TENM1: variants seen among roughly 807,000 people sequenced by gnomAD.
TENM1 encodes teneurin-1.
A neutral mutation model predicts 174.8 loss-of-function variants in TENM1; 35 were observed. The observed-to-expected ratio is 0.20, with a 90% CI of 0.15 to 0.27. TENM1 has a LOEUF of 0.27. TENM1 is among the 10% of genes least tolerant of loss of function. The pLI, the probability that TENM1 is intolerant of heterozygous loss-of-function variation, is 1.00. For synonymous variants in TENM1, 781 were observed against 798.7 expected, an observed-to-expected ratio of 0.98 and a Z score of 0.37; for missense variants, 1,633 against 2,130.1, an observed-to-expected ratio of 0.77 and a Z score of 4.59.
chrX:125,064,967 T>C, the TENM1 span, among the ~76,000 whole-genome samples: 1 of 111,888 alleles, frequency 8.9e-6, no homozygotes, highest in African/African-American at 3.2e-5. Context: ...ACTCGATGGG[T>C]ACCAAAACTG....
chrX:124,611,043 T>C (rs756281369), intron 11 of TENM1, among the ~76,000 whole-genome samples: 2 of 110,849 alleles, frequency 1.8e-5, no homozygotes, highest in Non-Finnish European at 3.8e-5. Context: ...CTAGTCAGTA[T>C]AGGTTAGATT....
chrX:124,829,526 C>T (rs998639716), intron 3 of TENM1, among the ~76,000 whole-genome samples: 2 of 111,585 alleles, frequency 1.8e-5, no homozygotes, highest in African/African-American at 3.3e-5. Context: ...TTTTAATATT[C>T]GTTGGGAGTA....
chrX:124,536,724 C>T (rs1411015929), intron 15 of TENM1, among the ~76,000 whole-genome samples: 1 of 111,925 alleles, frequency 8.9e-6, no homozygotes, highest in African/African-American at 3.2e-5. Context: ...CATTTAGACA[C>T]ATGATTATTT....
chrX:124,899,633 A>G (rs2057623782), intron 1 of TENM1, among the ~76,000 whole-genome samples: 1 of 112,084 alleles, frequency 8.9e-6, no homozygotes, highest in East Asian at 2.8e-4. Context: ...CTCTGAGTAT[A>G]TAACCAGTAA....
chrX:124,658,035 C>A (rs1483934926), intron 6 of TENM1, among the ~76,000 whole-genome samples: 1 of 111,547 alleles, frequency 9.0e-6, no homozygotes, highest in Admixed American at 9.6e-5. Context: ...TTAACAGTAA[C>A]AAGTCTTCGC....
At chrX:124,382,596 G>A (rs773923304) in intron 31 of TENM1, 74 bp downstream of exon 34, 1 of 993,818 alleles carries the variant, frequency 1.0e-6, no homozygotes, top group Admixed American at 2.8e-5. Flanking sequence ...GCAAACATAT[G>A]TATATATAAT....
chrX:124,842,391 G>A (rs747602225), intron 3 of TENM1, among the ~76,000 whole-genome samples: 9 of 111,618 alleles, frequency 8.1e-5, no homozygotes, highest in Non-Finnish European at 1.3e-4. Flanking sequence ...TTACTCACAA[G>A]CAGCAGGTTC....
At chrX:125,028,950 C>T in the TENM1 span, among the ~76,000 whole-genome samples, 4 of 111,188 alleles carry the variant, frequency 3.6e-5, no homozygotes, top group East Asian at 2.9e-4. Context: ...GATAGGTATG[C>T]GAGAATTTGC....
In TENM1 at chrX:124,626,479, T is replaced by A. The variant is rs186541164; in HGVS notation, c.2077+15312A>T. On this transcript the variant is annotated intron_variant, in intron 11 of 31. Coordinates refer to ENST00000422452, the Ensembl canonical transcript of TENM1. ...ACCATAAAACTTGACAGATGTCAGG[T>A]GGACTGCTGCTGAATGCCTGACTCA... Among the ~76,000 whole-genome samples, 3 of 111,989 alleles carry A rather than the reference T, an allele frequency of 2.7e-5. No individual in the cohort carries two copies. In the East Asian group the frequency reaches 8.4e-4, roughly 32 times the overall value.
At chrX:124,531,490 A>G (rs2048106025) in intron 15 of TENM1, among the ~76,000 whole-genome samples, 1 of 112,105 alleles carries the variant, frequency 8.9e-6, no homozygotes, top group African/African-American at 3.2e-5. Flanking sequence ...ATCCTCTTCT[A>G]CGTAAGGGCT....
intron 1 of TENM1, among the ~76,000 whole-genome samples, chrX:124,934,432 A>ACACTGCTG (rs1465932356): frequency 8.9e-6 from 1 of 112,375 alleles, no homozygotes; most frequent in African/African-American, 3.2e-5. Context: ...GCTTTTGGAG[A>ACACTGCTG]CACTGCTGCT....
chrX:124,803,133 A>G (rs2055499938), intron 3 of TENM1, among the ~76,000 whole-genome samples: 1 of 112,192 alleles, frequency 8.9e-6, no homozygotes, highest in African/African-American at 3.2e-5. Flanking sequence ...AATCACATAG[A>G]AAAGTACCAA....
At chrX:124,550,322 T>C (rs2048532143) in intron 14 of TENM1, among the ~76,000 whole-genome samples, 1 of 112,225 alleles carries the variant, frequency 8.9e-6, no homozygotes, top group Non-Finnish European at 1.9e-5. Flanking sequence ...AATTTACAAA[T>C]ATATATCCTT....
chrX:124,503,497 A>G, intron 19 of TENM1, 63 bp downstream of exon 22: 1 of 1,059,634 alleles, frequency 9.4e-7, no homozygotes, highest in Non-Finnish European at 1.3e-6. Flanking sequence ...AATTTTCTGC[A>G]ATAAATATGT....
At position 124,609,035 on chromosome X, in the gene TENM1, T is replaced by C. The variant is rs144475767; in HGVS notation, c.2077+32756A>G. ...TTTCATGGGGCCAAAGCTCTGGAAA[T>C]TGATACCACTGAAAAGGATTACTCA... On this transcript the variant is annotated intron_variant, in intron 11 of 31. Coordinates refer to ENST00000422452, the Ensembl canonical transcript of TENM1. Among the ~76,000 whole-genome samples, 66 of 111,002 alleles carry C rather than the reference T, an allele frequency of 5.9e-4. No homozygotes were observed. In the East Asian group the frequency reaches 0.018, roughly 30 times the overall value.
At chrX:124,631,060 C>A (rs1413474695) in intron 11 of TENM1, among the ~76,000 whole-genome samples, 1 of 111,769 alleles carries the variant, frequency 8.9e-6, no homozygotes, top group Non-Finnish European at 1.9e-5. Context: ...TTTGAGCTCA[C>A]AATTTAAGAA....
At chrX:124,657,735 C>T (rs766011580) in intron 6 of TENM1, among the ~76,000 whole-genome samples, 39 of 111,573 alleles carry the variant, frequency 3.5e-4, no homozygotes, top group Admixed American at 2.2e-3. Context: ...AAAAAGATTC[C>T]ACCATTACAT....
rs1256107441 is a variant in TENM1 at position 124,832,105 on chromosome X, C to CTTAT, written c.535+62187_535+62190dup. 4.5e-5 allele frequency among the ~76,000 whole-genome samples: 5 copies of CTTAT among 111,436 alleles called. No individual in the cohort carries two copies. In the South Asian group the frequency reaches 1.9e-3, roughly 43 times the overall value. ...TCGAGATACAAGAAGTGGGGGAGGC[C>CTTAT]TTATTTATTTATTTATCCCTCCTCC... is the stretch of plus-strand genomic sequence containing the variant. On this transcript the variant is annotated intron_variant, in intron 3 of 31. Transcript: ENST00000422452.
the TENM1 span, among the ~76,000 whole-genome samples, chrX:125,115,682 G>T: frequency 2.5e-4 from 28 of 110,888 alleles, no homozygotes; most frequent in African/African-American, 8.5e-4. Flanking sequence ...AACTTACAAG[G>T]GATGTGAAGG....
Sources: gnomAD v4.1 joint callset for allele counts (sites outside exome capture counted in the v4.1 genomes callset) on GRCh38, gnomAD v4.1.1 for gene constraint, MANE v1.5 for transcripts, NCBI Gene and HGNC (gene_info 2026-07-23, HGNC 2026-07-21) for gene names.